The following MAD1L1 variants were observed in gnomAD, a reference collection of about 807,000 sequenced individuals.
MAD1L1 encodes the protein mitotic spindle assembly checkpoint protein MAD1.
Under a neutral mutation model 96.9 loss-of-function variants are expected in MAD1L1, and 95 were observed. The observed-to-expected ratio is 0.98, with a 90% CI of 0.83 to 1.16. The LOEUF is 1.16. Among genes scored for constraint, MAD1L1 ranks in the 50% most tolerant of loss-of-function variants. MAD1L1 has a pLI of 0.00. For missense variants in MAD1L1, 1,007 were observed against 954.4 expected (o/e 1.06, Z -0.73); for synonymous variants, 473 against 396.6 (o/e 1.19, Z -2.29).
chr7:1,845,371 T>C (rs1452514236), intron 18 of MAD1L1: 2 of 152,330 alleles, frequency 1.3e-5, no homozygotes, highest in East Asian at 1.9e-4. Context: ...CTGCCCTGCA[T>C]GGGGACTCAA....
chr7:2,203,894 GC>G (rs1179057390), intron 10 of MAD1L1, among the ~76,000 whole-genome samples: 1 of 152,192 alleles, frequency 6.6e-6, no homozygotes, highest in Non-Finnish European at 1.5e-5. Context: ...TTCTGGAACA[GC>G]CCCCCAGGAA....
At chr7:1,820,142 A>C (rs1782047998) in intron 18 of MAD1L1, among the ~76,000 whole-genome samples, 1 of 152,154 alleles carries the variant, frequency 6.6e-6, no homozygotes. Context: ...ACAACAGGAA[A>C]ACTGTAAGTG....
intron 18 of MAD1L1, among the ~76,000 whole-genome samples, chr7:1,877,427 A>AT (rs1366757059): frequency 8.6e-5 from 13 of 152,030 alleles, no homozygotes; most frequent in African/African-American, 3.1e-4. Flanking sequence ...AAGAGGTATA[A>AT]TTAATAAGCC....
At chr7:1,879,013 C>G (rs1264826120) in intron 18 of MAD1L1, among the ~76,000 whole-genome samples, 3 of 152,008 alleles carry the variant, frequency 2.0e-5, no homozygotes, top group Non-Finnish European at 4.4e-5. Flanking sequence ...AATTTTAAAG[C>G]ACATTTACAA....
At chr7:1,873,212 C>A (rs1181929443) in intron 18 of MAD1L1, among the ~76,000 whole-genome samples, 1 of 152,194 alleles carries the variant, frequency 6.6e-6, no homozygotes, top group East Asian at 1.9e-4. Context: ...TAAATGTGTG[C>A]AGGGAGCCTG....
At chr7:2,215,597 G>A (rs1202904069) in intron 9 of MAD1L1, among the ~76,000 whole-genome samples, 2 of 152,036 alleles carry the variant, frequency 1.3e-5, no homozygotes, top group African/African-American at 4.8e-5. Flanking sequence ...AGCAAGAGCT[G>A]CCAAGTCCCT....
intron 12 of MAD1L1, among the ~76,000 whole-genome samples, chr7:2,062,727 C>T (rs1584230572): frequency 6.6e-6 from 1 of 152,124 alleles, no homozygotes; most frequent in East Asian, 1.9e-4. Flanking sequence ...CACTAAACTT[C>T]AACACGGAGA....
At chr7:2,060,833 C>T (rs1423151936) in intron 12 of MAD1L1, among the ~76,000 whole-genome samples, 1 of 152,246 alleles carries the variant, frequency 6.6e-6, no homozygotes, top group East Asian at 1.9e-4. Context: ...AGTATCTTCA[C>T]AACTTTGGCA....
chr7:1,920,047 A>C (rs921352981), intron 17 of MAD1L1, among the ~76,000 whole-genome samples: 1 of 151,766 alleles, frequency 6.6e-6, no homozygotes, highest in African/African-American at 2.4e-5. Context: ...AGGAGGGCGC[A>C]CAGCAGGGCT....
intron 18 of MAD1L1, among the ~76,000 whole-genome samples, chr7:1,852,466 G>A (rs1445756498): frequency 6.6e-6 from 1 of 152,180 alleles, no homozygotes; most frequent in Non-Finnish European, 1.5e-5. Flanking sequence ...GATCCCTGAG[G>A]CTGAGATGGG....
chr7:2,100,851 G>A (rs1026286458), intron 11 of MAD1L1, among the ~76,000 whole-genome samples: 4 of 152,252 alleles, frequency 2.6e-5, no homozygotes, highest in Non-Finnish European at 4.4e-5. Context: ...CTGGAGGCGC[G>A]GCTCCAGCAT....
chr7:1,934,224 G>A (rs942836616), intron 17 of MAD1L1, among the ~76,000 whole-genome samples: 20 of 152,026 alleles, frequency 1.3e-4, no homozygotes, highest in Non-Finnish European at 1.9e-4. Flanking sequence ...TCCAGACCAC[G>A]CTGGCCCTGA....
chr7:1,853,929 G>A (rs1168246769), intron 18 of MAD1L1, among the ~76,000 whole-genome samples: 1 of 152,224 alleles, frequency 6.6e-6, no homozygotes, highest in East Asian at 1.9e-4. Flanking sequence ...CAGCCAGAAA[G>A]GCCATCTTTT....
At chr7:2,036,975 GCTCCCCC>G (rs1783464906) in intron 12 of MAD1L1, among the ~76,000 whole-genome samples, 1 of 151,990 alleles carries the variant, frequency 6.6e-6, no homozygotes, top group East Asian at 1.9e-4. Flanking sequence ...TCCTCCCACA[GCTCCCCC>G]CACAGCACGA....
chr7:1,865,267 G>T (rs560335845), intron 18 of MAD1L1, among the ~76,000 whole-genome samples: 9 of 152,158 alleles, frequency 5.9e-5, no homozygotes, highest in Admixed American at 5.2e-4. Flanking sequence ...CTCCTCCTTG[G>T]GGAAAGAAGG....
intron 11 of MAD1L1, among the ~76,000 whole-genome samples, chr7:2,106,452 A>G (rs1562693158): frequency 1.3e-5 from 2 of 149,456 alleles, no homozygotes; most frequent in African/African-American, 4.9e-5. Context: ...CCCTTCCCAC[A>G]TGCGCTCCTG....
At chr7:1,877,863 C>A (rs948217931) in intron 18 of MAD1L1, among the ~76,000 whole-genome samples, 1 of 151,706 alleles carries the variant, frequency 6.6e-6, no homozygotes, top group Admixed American at 6.6e-5. Context: ...CGTATGTACC[C>A]CAAAATAGGG....
At chr7:1,934,851 C>A (rs147905980) in intron 17 of MAD1L1, among the ~76,000 whole-genome samples, 4 of 151,908 alleles carry the variant, frequency 2.6e-5, no homozygotes, top group Non-Finnish European at 5.9e-5. Context: ...CAGGCAGAGA[C>A]CCAGACAACA....
intron 15 of MAD1L1, among the ~76,000 whole-genome samples, chr7:1,967,807 G>A (rs1038740145): frequency 2.0e-5 from 3 of 152,114 alleles, no homozygotes; most frequent in African/African-American, 7.2e-5. Context: ...TGCATGCACC[G>A]GATCAGAACA....
Sources: gnomAD v4.1 joint callset for allele counts (sites outside exome capture counted in the v4.1 genomes callset) on GRCh38, gnomAD v4.1.1 for gene constraint, MANE v1.5 for transcripts, NCBI Gene and HGNC (gene_info 2026-07-23, HGNC 2026-07-21) for gene names.